Variants in SORBS3 observed in about 807,000 individuals in gnomAD.
SORBS3 encodes vinexin.
In SORBS3, 69 loss-of-function variants were observed where a neutral mutation model predicts 98.0. The observed-to-expected ratio is 0.70, with a 90% CI of 0.58 to 0.86. The LOEUF is 0.86. Ranked by LOEUF, SORBS3 falls within the 40% of genes least tolerant of loss-of-function variation. The pLI, the probability that SORBS3 is intolerant of heterozygous loss-of-function variation, is 0.00. For missense variants in SORBS3, 954 were observed against 908.5 expected (o/e 1.05, Z -0.64); for synonymous variants, 394 against 355.4 (o/e 1.11, Z -1.22).
At position 22,566,382 on chromosome 8, in the gene SORBS3, C is replaced by A. The variant is rs1338467935; in HGVS notation, c.988C>A (p.Pro330Thr). The A allele has an allele frequency of 1.2e-6, 2 of 1,614,042 alleles. No homozygotes were observed. ...SAWSSSYPHA[P>T]YLGSARSLSP... ...CTGGAGCTCCAGCTACCCACATGCA[C>A]CTTACCTGGGTTCCGCCCGGTCCCT... Residue 330 changes from proline to threonine, a missense_variant, in exon 13 of 21, where the codon CCT (proline) becomes ACT (threonine). By Grantham distance (38) the Pro-to-Thr change is conservative. Transcript: ENST00000240123.
chr8:22,561,744 C>T (rs1586896159), intron 6 of SORBS3, 121 bp from the exon 7 acceptor site: 2 of 870,588 alleles, frequency 2.3e-6, no homozygotes, highest in African/African-American at 1.6e-5. Context: ...CTGCCCCCAC[C>T]ATCCACCCAG....
Position 22,564,553 on chromosome 8 carries a change from C to A in SORBS3, c.816+32C>A, listed in dbSNP as rs1189559430. The stretch of plus-strand genomic sequence containing the variant: ...GCTGCAGGGTGCTGGGGACAGCAGC[C>A]TGATAAACCAGGGAGATTAGGGTTT... On this transcript the variant is annotated intron_variant, in intron 10 of 20. Coordinates refer to ENST00000240123, the MANE Select transcript of SORBS3 (RefSeq NM_005775.5). The A allele has an allele frequency of 2.5e-6, 4 of 1,612,960 alleles. No homozygotes were observed. The African/African-American group carries it at 5.3e-5, about 22-fold the overall frequency.
chr8:22,564,400 C>G (rs1278914269), intron 9 of SORBS3, 31 bp downstream of exon 9: 1 of 1,613,358 alleles, frequency 6.2e-7, no homozygotes, highest in Non-Finnish European at 8.5e-7. Context: ...GGGGTGTGCA[C>G]GCACCCTCAG....
chr8:22,574,243 C>A (rs1304831572), intron 20 of SORBS3, among the ~76,000 whole-genome samples: 1 of 152,212 alleles, frequency 6.6e-6, no homozygotes, highest in African/African-American at 2.4e-5. Flanking sequence ...CCCAAGCTTA[C>A]TCCTAAGCGT....
chr8:22,569,681 C>G (rs1840521064), intron 17 of SORBS3, among the ~76,000 whole-genome samples: 1 of 152,122 alleles, frequency 6.6e-6, no homozygotes, highest in African/African-American at 2.4e-5. Context: ...CCTAGCTTCA[C>G]CCAGGATTTC....
upstream of SORBS3, among the ~76,000 whole-genome samples, chr8:22,548,335 G>A (rs1840037489): frequency 6.6e-6 from 1 of 152,194 alleles, no homozygotes; most frequent in South Asian, 2.1e-4. Context: ...GAGGACCCAG[G>A]AGAAAGGGAT....
intron 7 of SORBS3, 41 bp downstream of exon 7, chr8:22,561,972 C>T (rs1444360362): frequency 2.5e-6 from 4 of 1,596,868 alleles, no homozygotes; most frequent in Admixed American, 1.7e-5. Flanking sequence ...CGGAGGGGCG[C>T]GGCCCGCGAG....
Position 22,574,981 on chromosome 8 carries a change from C to CT in SORBS3, c.*256dup. On this transcript the variant is annotated 3_prime_UTR_variant, in exon 21 of 21. Coordinates refer to ENST00000240123, the MANE Select transcript of SORBS3 (RefSeq NM_005775.5). Reference sequence around the variant, plus strand: ...CCCACTCCCCAAATACAGAGGTCTGCTTTGAAGCGGAGACCATTTCCAGGC... The same window carrying CT: ...CCCACTCCCCAAATACAGAGGTCTGCTTTTGAAGCGGAGACCATTTCCAGGC... The CT allele has an allele frequency of 1.5e-6, 1 of 652,632 alleles. No homozygotes were observed. The highest frequency in any genetic ancestry group is 1.5e-5 in the South Asian group (1 of 66,296). The allele number at this position is 652,632 out of a possible 1,614,324, so 40.4% of individuals were successfully genotyped here. A position where few individuals can be genotyped will look rare whatever the true frequency, so the allele number is the denominator to read the frequency against.
At chr8:22,555,098 G>T in intron 3 of SORBS3, 118 bp downstream of exon 3, 1 of 868,988 alleles carries the variant, frequency 1.2e-6, no homozygotes. Flanking sequence ...AGGCCATGAG[G>T]AGGTTCCTCA....
chr8:22,572,828 C>G (rs980422312), intron 20 of SORBS3, among the ~76,000 whole-genome samples: 4 of 152,228 alleles, frequency 2.6e-5, no homozygotes, highest in Non-Finnish European at 5.9e-5. Context: ...CTAGCTGGCT[C>G]CTCCAGCCTG....
chr8:22,566,281 T>C (rs1474198308), intron 12 of SORBS3, 64 bp from the exon 13 acceptor site: 23 of 1,577,814 alleles, frequency 1.5e-5, no homozygotes, highest in African/African-American at 2.7e-5. Context: ...CAGAGCGGTC[T>C]AGGGGTGACC....
At chr8:22,562,123 CAG>C (rs1284686674) in intron 7 of SORBS3, among the ~76,000 whole-genome samples, 192 bp downstream of exon 7, 1 of 152,242 alleles carries the variant, frequency 6.6e-6, no homozygotes, top group African/African-American at 2.4e-5. Flanking sequence ...CTCTTCCCTA[CAG>C]GGTCAAGGGG....
At chr8:22,571,626 T>C in intron 18 of SORBS3, 92 bp from the exon 19 acceptor site, 1 of 923,362 alleles carries the variant, frequency 1.1e-6, no homozygotes, top group Non-Finnish European at 1.8e-6. Flanking sequence ...GCAGGTGGAC[T>C]GGGAACGCCC....
intron 17 of SORBS3, among the ~76,000 whole-genome samples, chr8:22,570,573 C>A (rs1840546815): frequency 6.6e-6 from 1 of 152,294 alleles, no homozygotes; most frequent in African/African-American, 2.4e-5. Context: ...CACAGCTTGG[C>A]CTGGTGGAGC....
intron 10 of SORBS3, chr8:22,564,848 A>G: frequency 8.3e-7 from 1 of 1,201,864 alleles, no homozygotes; most frequent in Non-Finnish European, 1.0e-6. Flanking sequence ...GACCCATAGC[A>G]GAGGCTGGCA....
chr8:22,554,355 C>A lies in SORBS3; in HGVS notation c.-55-97C>A. 1.5e-6 allele frequency: 2 copies of A among 1,307,604 alleles called. No individual in the cohort carries two copies. Among genetic ancestry groups the A allele is most frequent in the Non-Finnish European group, 2.0e-6 (2 of 984,774 alleles). 81.0% of individuals were successfully genotyped at this position (1,307,604 alleles called of 1,614,324 possible). A position where few individuals can be genotyped will look rare whatever the true frequency, so the allele number is the denominator to read the frequency against. On this transcript the variant is annotated intron_variant, in intron 1 of 20. Transcript: ENST00000240123. The surrounding 1 kb of genome is among the most constrained non-coding windows in gnomAD (Gnocchi z 6.5). Reference sequence around the variant, plus strand: ...TACCCAGCTGGTCCTGACCCCCTCCCACAGCCGGCCCCTCCTCCCCTATCC... The same window carrying A: ...TACCCAGCTGGTCCTGACCCCCTCCAACAGCCGGCCCCTCCTCCCCTATCC...
intron 1 of SORBS3, chr8:22,545,182 T>A (rs1586882676): frequency 6.6e-6 from 1 of 152,370 alleles, no homozygotes; most frequent in Middle Eastern, 3.2e-3. Flanking sequence ...GAGGGTCGGG[T>A]TACCTGGAGG....
chr8:22,555,036 G>C (rs920563014), intron 3 of SORBS3, 56 bp downstream of exon 3: 3 of 1,437,500 alleles, frequency 2.1e-6, no homozygotes, highest in Non-Finnish European at 2.9e-6. Context: ...CCTGCCATCT[G>C]GCACTGCCCT....
chr8:22,557,989 G>A lies in SORBS3; in HGVS notation c.415-140G>A, dbSNP rs937000296. Reference sequence around the variant, plus strand: ...TGAAGCTATTGTTATTAAAGAGATCGCAAGAGAAGCATTTCCCAGCCCACC... The same window carrying A: ...TGAAGCTATTGTTATTAAAGAGATCACAAGAGAAGCATTTCCCAGCCCACC... On this transcript the variant is annotated intron_variant, in intron 4 of 20. Coordinates refer to ENST00000240123, the MANE Select transcript of SORBS3 (RefSeq NM_005775.5). 312 of 765,368 alleles carry A rather than the reference G, an allele frequency of 4.1e-4. No individual in the cohort carries two copies. The Admixed American group carries it at 5.6e-3, about 14-fold the overall frequency. 47.4% of individuals were successfully genotyped at this position (765,368 alleles called of 1,614,324 possible). A position where few individuals can be genotyped will look rare whatever the true frequency, so the allele number is the denominator to read the frequency against.
Sources: allele counts gnomAD v4.1 joint callset (sites outside exome capture counted in the v4.1 genomes callset), GRCh38; gene constraint gnomAD v4.1.1; non-coding constraint Gnocchi (gnomAD v3.1); transcripts MANE v1.5; gene names NCBI Gene and HGNC (gene_info 2026-07-23, HGNC 2026-07-21).